Variants in ETNPPL observed in about 807,000 individuals in gnomAD.
ETNPPL encodes alanine--glyoxylate aminotransferase 2-like 1.
Under a neutral mutation model 55.5 loss-of-function variants are expected in ETNPPL, and 30 were observed. The ratio of observed to expected loss-of-function variants is 0.54; its 90% CI spans 0.40 to 0.73. ETNPPL has a LOEUF of 0.73. ETNPPL is among the 30% of genes least tolerant of loss of function. The pLI, the probability that ETNPPL is intolerant of heterozygous loss-of-function variation, is 0.00. For missense variants in ETNPPL, 528 were observed against 607.9 expected (o/e 0.87, Z 1.38); for synonymous variants, 202 against 207.2 (o/e 0.98, Z 0.21).
In ETNPPL at chr4:108,742,437, T is replaced by A; in HGVS notation, c.*47A>T. On this transcript the variant is annotated 3_prime_UTR_variant, in exon 13 of 13. Coordinates refer to ENST00000296486, the MANE Select transcript of ETNPPL (RefSeq NM_031279.4). ...TTAACCGATGAGACACATCTACTCA[T>A]TCTCTGTAACTCTGGACATCGCATC... The A allele has an allele frequency of 1.9e-6, 3 of 1,606,306 alleles. No individual in the cohort carries two copies. Among genetic ancestry groups the A allele is most frequent in the Non-Finnish European group, 2.6e-6 (3 of 1,173,922 alleles).
At chr4:108,756,538 T>C (rs560827084) in intron 3 of ETNPPL, 46 bp from the exon 4 acceptor site, 9 of 1,444,614 alleles carry the variant, frequency 6.2e-6, no homozygotes, top group Non-Finnish European at 8.8e-6. Context: ...CAGTCTCTTT[T>C]TAAAACATTT....
rs747572384 is a variant in ETNPPL, at chr4:108,754,605, T to C, written c.501+15A>G. The stretch of plus-strand genomic sequence containing the variant: ...CCAATACAAACATTCTGATTTAGGA[T>C]TTTAAGACACTTACCACATGTACAA... On this transcript the variant is annotated intron_variant, in intron 5 of 12. Transcript: ENST00000296486. 1.5e-6 allele frequency: 2 copies of C among 1,318,130 alleles called. No individual in the cohort carries two copies. The highest frequency in any genetic ancestry group is 1.9e-4 in the Middle Eastern group (1 of 5,132). The allele number at this position is 1,318,130 out of a possible 1,614,324, so 81.7% of individuals were successfully genotyped here.
chr4:108,762,708 G>C, intron 1 of ETNPPL, 135 bp downstream of exon 1: 2 of 1,107,684 alleles, frequency 1.8e-6, no homozygotes, highest in Non-Finnish European at 2.8e-6. Context: ...GGCGCGCGGG[G>C]CGCGTGCACA....
intron 7 of ETNPPL, 89 bp downstream of exon 7, chr4:108,750,847 T>C: frequency 1.0e-6 from 1 of 971,366 alleles, no homozygotes; most frequent in South Asian, 1.3e-5. Context: ...TAATCAGGAA[T>C]TATTTTAATA....
intron 8 of ETNPPL, 67 bp downstream of exon 8, chr4:108,749,171 T>A: frequency 7.7e-7 from 1 of 1,305,240 alleles, no homozygotes; most frequent in Non-Finnish European, 1.1e-6. Flanking sequence ...TTTACTACAT[T>A]GGCAAAAAAT....
At chr4:108,747,616 A>G (rs2125673094) in intron 9 of ETNPPL, among the ~76,000 whole-genome samples, 1 of 152,076 alleles carries the variant, frequency 6.6e-6, no homozygotes, top group East Asian at 1.9e-4. Context: ...AAATGTTAAC[A>G]GTGGTGATAT....
chr4:108,756,747 A>G lies in ETNPPL; in HGVS notation c.336-255T>C, dbSNP rs568986197. 5.7e-4 allele frequency among the ~76,000 whole-genome samples: 87 copies of G among 152,276 alleles called. 1 individual carries two copies. The South Asian group carries it at 0.018, about 31-fold the overall frequency. ...AGGCCGAGGCAAGAGAATTGCTTCA[A>G]CCTGGGAGGTGGAGATTGCAGTGAG... On this transcript the variant is annotated intron_variant, in intron 3 of 12. Coordinates refer to ENST00000296486, the MANE Select transcript of ETNPPL (RefSeq NM_031279.4).
chr4:108,762,767 C>T, intron 1 of ETNPPL, 76 bp downstream of exon 1: 2 of 1,523,300 alleles, frequency 1.3e-6, no homozygotes, highest in Non-Finnish European at 1.8e-6. Flanking sequence ...TGTTCCCTAG[C>T]CGGCTTTCTC....
intron 7 of ETNPPL, 93 bp from the exon 8 acceptor site, chr4:108,749,556 AGTTGTTAACCTGAAGCCTTAATTTTTCTT>A: frequency 2.1e-6 from 2 of 931,868 alleles, no homozygotes; most frequent in Non-Finnish European, 3.3e-6. Flanking sequence ...AAAAAAAAAA[AGTTGTTAACCTGAAGCCTTAATTTTTCTT>A]AAAAAACATT....
In ETNPPL at chr4:108,742,496, C is replaced by T. The variant is rs1728263630; in HGVS notation, c.1488G>A (p.Arg496=). Residue 496 remains arginine, a synonymous_variant, in exon 13 of 13, where the codon AGG becomes AGA. Coordinates refer to ENST00000296486, the MANE Select transcript of ETNPPL (RefSeq NM_031279.4). ...AAATGCAAATCAGTCATGTCTTGAGCCTCTTACTGAGCAGTGAATGTGTAT... is the reference window on the plus strand; with the variant it reads ...AAATGCAAATCAGTCATGTCTTGAGTCTCTTACTGAGCAGTGAATGTGTAT... The part of the protein sequence containing the change: ...CTDTHSLLSK[R]LKT 1 of 1,614,126 alleles carries T rather than the reference C, an allele frequency of 6.2e-7. No homozygotes were observed. The highest frequency in any genetic ancestry group is 8.5e-7 in the Non-Finnish European group (1 of 1,179,988).
intron 12 of ETNPPL, 51 bp downstream of exon 12, chr4:108,743,738 A>AC: frequency 7.7e-7 from 1 of 1,304,060 alleles, no homozygotes. Flanking sequence ...TTTTTTAAAC[A>AC]TTCCCCAAAT....
At chr4:108,753,819 G>GAA (rs1729062576) in intron 5 of ETNPPL, among the ~76,000 whole-genome samples, 2 of 122,188 alleles carry the variant, frequency 1.6e-5, no homozygotes, top group African/African-American at 5.8e-5. Context: ...GAGAAGAAAA[G>GAA]AAAAGAAAAA....
At chr4:108,758,117 A>G (rs1305134519) in intron 3 of ETNPPL, among the ~76,000 whole-genome samples, 1 of 148,876 alleles carries the variant, frequency 6.7e-6, no homozygotes, top group African/African-American at 2.5e-5. Context: ...TCAGCCTCCC[A>G]AGTAGCTGGG....
Position 108,762,925 on chromosome 4 carries a change from G to A in ETNPPL, c.-27C>T. 1 of 1,607,462 alleles carries A rather than the reference G, an allele frequency of 6.2e-7. No individual in the cohort carries two copies. The highest frequency in any genetic ancestry group is 1.1e-5 in the South Asian group (1 of 90,966). ...GTGGCGGGGTGCAGGGCGCTGCGAA[G>A]GTGCAAGGTGCAAGGTCTGCGCGCC... is the stretch of plus-strand genomic sequence containing the variant. On this transcript the variant is annotated 5_prime_UTR_variant, in exon 1 of 13. Transcript: ENST00000296486.
chr4:108,750,602 T>C (rs948266826), intron 7 of ETNPPL, among the ~76,000 whole-genome samples: 4 of 144,302 alleles, frequency 2.8e-5, no homozygotes, highest in Admixed American at 2.1e-4. Flanking sequence ...ATATCATATA[T>C]GATATATATA....
chr4:108,753,616 C>T (rs1451078633), intron 5 of ETNPPL, among the ~76,000 whole-genome samples: 2 of 152,024 alleles, frequency 1.3e-5, no homozygotes, highest in Non-Finnish European at 2.9e-5. Flanking sequence ...GTGGTGTATG[C>T]CTGTAATCCC....
chr4:108,762,720 G>T (rs1301385082), intron 1 of ETNPPL, 123 bp downstream of exon 1: 3 of 1,233,202 alleles, frequency 2.4e-6, no homozygotes, highest in Non-Finnish European at 3.6e-6. Context: ...GCGTGCACAG[G>T]CGCGGCGGGC....
At chr4:108,762,449 TCA>T (rs1729552751) in intron 1 of ETNPPL, 1 of 604,662 alleles carries the variant, frequency 1.7e-6, no homozygotes, top group East Asian at 3.6e-5. Flanking sequence ...ATTTCTCAGT[TCA>T]CAGTTTCCAA....
chr4:108,744,285 A>G (rs1191361622), intron 11 of ETNPPL, among the ~76,000 whole-genome samples: 1 of 152,020 alleles, frequency 6.6e-6, no homozygotes, highest in African/African-American at 2.4e-5. Context: ...AAAAATCACT[A>G]TCAAAATTAC....
Sources: gnomAD v4.1 joint callset for allele counts (sites outside exome capture counted in the v4.1 genomes callset) on GRCh38, gnomAD v4.1.1 for gene constraint, MANE v1.5 for transcripts, NCBI Gene and HGNC (gene_info 2026-07-23, HGNC 2026-07-21) for gene names.